SLC38A12: variants seen among roughly 807,000 people sequenced by gnomAD.
The protein encoded by SLC38A12 is putative sodium-coupled neutral amino acid transporter 12.
the SLC38A12 span, among the ~76,000 whole-genome samples, chr17:74,821,686 G>C: frequency 6.6e-6 from 1 of 152,206 alleles, no homozygotes; most frequent in Non-Finnish European, 1.5e-5. Flanking sequence ...TCAGAAGAAG[G>C]AGTTTTCTCA....
chr17:74,804,766 G>T, the SLC38A12 span, among the ~76,000 whole-genome samples: 1 of 152,242 alleles, frequency 6.6e-6, no homozygotes, highest in Non-Finnish European at 1.5e-5. Context: ...GCAGGGACTG[G>T]TATTGGGTGT....
chr17:74,788,370 A>G, the SLC38A12 span, among the ~76,000 whole-genome samples: 3 of 152,080 alleles, frequency 2.0e-5, no homozygotes, highest in Non-Finnish European at 2.9e-5. Flanking sequence ...TGTCCTTGCA[A>G]GGTTGACGTG....
the SLC38A12 span, among the ~76,000 whole-genome samples, chr17:74,778,193 C>T: frequency 2.0e-5 from 3 of 152,314 alleles, no homozygotes; most frequent in African/African-American, 4.8e-5. Flanking sequence ...GTCTGTGTTA[C>T]CTCTGGCTGC....
the SLC38A12 span, among the ~76,000 whole-genome samples, chr17:74,797,255 C>T: frequency 6.6e-6 from 1 of 152,230 alleles, no homozygotes; most frequent in African/African-American, 2.4e-5. Context: ...ATGGAAGCCT[C>T]CCTCCCTGGA....
At chr17:74,834,347 G>A in the SLC38A12 span, among the ~76,000 whole-genome samples, 51 of 152,190 alleles carry the variant, frequency 3.4e-4, no homozygotes, top group African/African-American at 1.2e-3. Flanking sequence ...CAGGAGTGGC[G>A]GGGACTGGAG....
chr17:74,785,194 C>T, the SLC38A12 span, among the ~76,000 whole-genome samples: 9 of 152,292 alleles, frequency 5.9e-5, no homozygotes, highest in South Asian at 8.3e-4. Context: ...CTAGCATCTG[C>T]GATGCAGCTT....
At chr17:74,790,359 TGGA>T in the SLC38A12 span, 2 of 1,440,132 alleles carry the variant, frequency 1.4e-6, no homozygotes, top group African/African-American at 1.4e-5. Context: ...CCTTTCTTCA[TGGA>T]GAGGGCCCTG....
chr17:74,836,203 A>T, the SLC38A12 span: 1 of 1,612,092 alleles, frequency 6.2e-7, no homozygotes, highest in South Asian at 1.1e-5. The surrounding 1 kb of genome is among the most constrained non-coding windows in gnomAD (Gnocchi z 4.2). Context: ...AGCCTCATGG[A>T]CATGTACACC....
At chr17:74,835,808 T>C in the SLC38A12 span, 10 of 1,491,964 alleles carry the variant, frequency 6.7e-6, no homozygotes, top group South Asian at 1.4e-4. Flanking sequence ...TGCATGAACA[T>C]GCATTTAATG....
At chr17:74,785,350 G>C in the SLC38A12 span, 1 of 1,326,024 alleles carries the variant, frequency 7.5e-7, no homozygotes, top group Non-Finnish European at 1.0e-6. Context: ...CTCCTGTCCT[G>C]CCTCCTTCCC....
At chr17:74,792,682 T>G in the SLC38A12 span, among the ~76,000 whole-genome samples, 1 of 152,234 alleles carries the variant, frequency 6.6e-6, no homozygotes, top group East Asian at 1.9e-4. Context: ...CTGTAGGAAC[T>G]AGAATCTCTT....
At chr17:74,818,648 C>G in the SLC38A12 span, among the ~76,000 whole-genome samples, 2 of 152,230 alleles carry the variant, frequency 1.3e-5, no homozygotes, top group Non-Finnish European at 2.9e-5. Flanking sequence ...CCCGACTCCC[C>G]AAGTGGGCCC....
chr17:74,794,960 AC>A, the SLC38A12 span: 1 of 1,458,802 alleles, frequency 6.9e-7, no homozygotes, highest in South Asian at 1.2e-5. Context: ...AAAAAAAAAA[AC>A]ATGCAGACAT....
the SLC38A12 span, among the ~76,000 whole-genome samples, chr17:74,791,868 C>T: frequency 5.9e-5 from 9 of 152,218 alleles, no homozygotes; most frequent in South Asian, 2.1e-4. Context: ...TTTAGTGGGC[C>T]GGGCACGGTG....
At chr17:74,805,318 C>T in the SLC38A12 span, among the ~76,000 whole-genome samples, 1 of 152,236 alleles carries the variant, frequency 6.6e-6, no homozygotes, top group Admixed American at 6.5e-5. This position sits in a 1 kb window ranked among gnomAD's most constrained non-coding sequence, Gnocchi z 5.0. Context: ...ACCTAAGGCA[C>T]TGCCAGAGAG....
the SLC38A12 span, among the ~76,000 whole-genome samples, chr17:74,781,695 C>T: frequency 1.3e-5 from 2 of 152,336 alleles, no homozygotes; most frequent in East Asian, 3.9e-4. Flanking sequence ...CCTACAGAAG[C>T]GATAAGCAGA....
the SLC38A12 span, among the ~76,000 whole-genome samples, chr17:74,817,551 T>A: frequency 1.2e-4 from 18 of 152,106 alleles, no homozygotes; most frequent in Non-Finnish European, 2.9e-5. Context: ...ACATACCACT[T>A]ACAATACCTT....
the SLC38A12 span, among the ~76,000 whole-genome samples, chr17:74,816,287 G>A: frequency 1.3e-5 from 2 of 152,184 alleles, no homozygotes; most frequent in Non-Finnish European, 2.9e-5. Context: ...CCCAGTTTGT[G>A]GTCATCTGTG....
At chr17:74,824,454 G>GCC in the SLC38A12 span, among the ~76,000 whole-genome samples, 1 of 150,524 alleles carries the variant, frequency 6.6e-6, no homozygotes, top group African/African-American at 2.4e-5. Flanking sequence ...GGCTGCCCCT[G>GCC]CCCCGCCGCA....
Sources: gnomAD v4.1 joint callset for allele counts (sites outside exome capture counted in the v4.1 genomes callset) on GRCh38, gnomAD v4.1.1 for gene constraint, Gnocchi (gnomAD v3.1) non-coding constraint, MANE v1.5 for transcripts, NCBI Gene and HGNC (gene_info 2026-07-23, HGNC 2026-07-21) for gene names.